Variants in MPPED2 observed in about 807,000 individuals in gnomAD.
MPPED2 encodes the protein metallophosphoesterase MPPED2.
In MPPED2, 5 loss-of-function variants were observed where a neutral mutation model predicts 33.0. That is an observed-to-expected ratio of 0.15 (90% CI 0.08 to 0.32). The LOEUF is 0.32. Among genes scored for constraint, MPPED2 ranks in the 10% least tolerant of loss-of-function variants. The probability of loss-of-function intolerance (pLI) is 1.00; values close to 1 mark genes in which losing one functional copy is unlikely to be tolerated. For missense variants in MPPED2, 275 were observed against 372.1 expected (o/e 0.74, Z 2.15); for synonymous variants, 136 against 141.9 (o/e 0.96, Z 0.29).
At chr11:30,583,128 CTTTTTCTTTTT>C (rs1564920094) in intron 1 of MPPED2, among the ~76,000 whole-genome samples, 1 of 92,846 alleles carries the variant, frequency 1.1e-5, no homozygotes, top group Non-Finnish European at 1.9e-5. Flanking sequence ...CTGGAAAAGA[CTTTTTCTTTTT>C]TTTTTTTTTT....
intron 2 of MPPED2, among the ~76,000 whole-genome samples, chr11:30,558,962 C>T (rs1376038381): frequency 2.0e-5 from 3 of 151,946 alleles, no homozygotes; most frequent in Non-Finnish European, 4.4e-5. Flanking sequence ...GTGGGATAAG[C>T]ATGGTTAATT....
intron 1 of MPPED2, among the ~76,000 whole-genome samples, chr11:30,581,794 T>TTAGC (rs1957181887): frequency 6.6e-6 from 1 of 152,196 alleles, no homozygotes; most frequent in South Asian, 2.1e-4. Flanking sequence ...CTTCTTCATA[T>TTAGC]TAGCAAAGCA....
intron 6 of MPPED2, among the ~76,000 whole-genome samples, chr11:30,412,284 C>A (rs371105406): frequency 1.3e-5 from 2 of 149,092 alleles, no homozygotes; most frequent in East Asian, 3.9e-4. Flanking sequence ...CAATATAAAC[C>A]TTTTGTGATT....
chr11:30,459,495 G>A (rs546634523), intron 4 of MPPED2, among the ~76,000 whole-genome samples: 3 of 152,244 alleles, frequency 2.0e-5, no homozygotes, highest in South Asian at 2.1e-4. Flanking sequence ...AGTCTCTTGA[G>A]GTTTTTCTGC....
At chr11:30,510,969 C>T (rs938444142) in intron 3 of MPPED2, among the ~76,000 whole-genome samples, 11 of 152,172 alleles carry the variant, frequency 7.2e-5, no homozygotes, top group African/African-American at 2.4e-4. Context: ...ACTTTCAACC[C>T]CACATTCTCA....
chr11:30,490,546 C>G (rs928491014), intron 4 of MPPED2, among the ~76,000 whole-genome samples: 3 of 152,084 alleles, frequency 2.0e-5, no homozygotes, highest in Admixed American at 6.5e-5. Context: ...AGCCCCTTTC[C>G]TTCCAGACCT....
chr11:30,500,392 G>A (rs1333466393), intron 3 of MPPED2, among the ~76,000 whole-genome samples: 1 of 152,010 alleles, frequency 6.6e-6, no homozygotes, highest in Non-Finnish European at 1.5e-5. Context: ...TACTTCTATG[G>A]GCAGTATGTA....
chr11:30,410,793 T>A lies in MPPED2; in HGVS notation c.*675A>T. Reference sequence around the variant, plus strand: ...AAATACCTGCTCTTGACAGATTCCATTTCTGTATTTTTAAAGCTGAAATAA... The same window carrying A: ...AAATACCTGCTCTTGACAGATTCCAATTCTGTATTTTTAAAGCTGAAATAA... On this transcript the variant is annotated 3_prime_UTR_variant, in exon 7 of 7. Coordinates refer to ENST00000358117, the MANE Select transcript of MPPED2 (RefSeq NM_001584.3). 24 of 985,492 alleles carry A rather than the reference T, an allele frequency of 2.4e-5. No homozygotes were observed. Among genetic ancestry groups the A allele is most frequent in the Non-Finnish European group, 2.9e-5 (24 of 829,616 alleles). The allele number at this position is 985,492 out of a possible 1,614,324, so 61.0% of individuals were successfully genotyped here.
chr11:30,427,248 G>A (rs1679753253), intron 4 of MPPED2, among the ~76,000 whole-genome samples: 1 of 152,220 alleles, frequency 6.6e-6, no homozygotes, highest in Non-Finnish European at 1.5e-5. Flanking sequence ...TAATAAACAA[G>A]TAGGAACTGA....
intron 3 of MPPED2, among the ~76,000 whole-genome samples, chr11:30,527,409 G>C (rs1187137458): frequency 1.3e-5 from 2 of 150,998 alleles, no homozygotes; most frequent in African/African-American, 4.9e-5. Flanking sequence ...GTAACCTGGT[G>C]AATAAAGCCT....
In MPPED2 at chr11:30,569,374, T is replaced by C. The variant is rs3781851; in HGVS notation, c.128+10872A>G. On this transcript the variant is annotated intron_variant, in intron 2 of 6. Coordinates refer to ENST00000358117, the MANE Select transcript of MPPED2 (RefSeq NM_001584.3). ...AAGCATTAGACTTTTTGAATTGCAT[T>C]ATGGAAGAATTAAGAATTAATATCC... is the stretch of plus-strand genomic sequence containing the variant. Among the ~76,000 whole-genome samples, 52 of 152,348 alleles carry C rather than the reference T, an allele frequency of 3.4e-4. No homozygotes were observed. In the East Asian group the frequency reaches 9.8e-3, roughly 29 times the overall value.
At chr11:30,558,663 A>G (rs2134695231) in intron 2 of MPPED2, among the ~76,000 whole-genome samples, 1 of 151,862 alleles carries the variant, frequency 6.6e-6, no homozygotes, top group Non-Finnish European at 1.5e-5. Context: ...CTCAAGTAAT[A>G]ACCCTGCGTT....
At chr11:30,511,581 G>A (rs1433304330) in intron 3 of MPPED2, among the ~76,000 whole-genome samples, 3 of 152,098 alleles carry the variant, frequency 2.0e-5, no homozygotes, top group Admixed American at 2.0e-4. Context: ...ACGGCACAAT[G>A]TAAGAAGGCA....
chr11:30,393,931 C>T (rs1487930105), intron 6 of MPPED2, among the ~76,000 whole-genome samples: 1 of 152,188 alleles, frequency 6.6e-6, no homozygotes, highest in Non-Finnish European at 1.5e-5. Flanking sequence ...CTCCCCTGTG[C>T]TGCTCTTTTG....
intron 6 of MPPED2, chr11:30,388,994 A>T: frequency 6.5e-7 from 1 of 1,532,884 alleles, no homozygotes. Flanking sequence ...GGAGAGAGAG[A>T]GAGAGATGAA....
At position 30,433,978 on chromosome 11, in the gene MPPED2, C is replaced by T. The variant is rs1368472044; in HGVS notation, c.537-16345G>A. Among the ~76,000 whole-genome samples the T allele has an allele frequency of 5.3e-5, 8 of 152,088 alleles. No individual in the cohort carries two copies. The South Asian group carries it at 1.7e-3, about 32-fold the overall frequency. On this transcript the variant is annotated intron_variant, in intron 4 of 6. Transcript: ENST00000358117. ...TGCCTTTTACAGCTTCTAGAGGCTT[C>T]CCACATTCCTTGGCTCCTGGCCCTA...
rs80240779 is a variant in MPPED2 at position 30,559,324 on chromosome 11, A to G, written c.128+20922T>C. ...ACAAAGGTCTTTACAACTTTTATTA[A>G]TAAAAATGTATTGTAAATTGCAATC... is the stretch of plus-strand genomic sequence containing the variant. On this transcript the variant is annotated intron_variant, in intron 2 of 6. Coordinates refer to ENST00000358117, the MANE Select transcript of MPPED2 (RefSeq NM_001584.3). Among the ~76,000 whole-genome samples, 619 of 152,324 alleles carry G rather than the reference A, an allele frequency of 4.1e-3. 2 individuals carry two copies. Among genetic ancestry groups the G allele is most frequent in the Non-Finnish European group, 7.6e-3 (516 of 68,022 alleles).
At chr11:30,483,402 C>T (rs1308178517) in intron 4 of MPPED2, among the ~76,000 whole-genome samples, 6 of 152,072 alleles carry the variant, frequency 3.9e-5, no homozygotes, top group African/African-American at 1.4e-4. Flanking sequence ...TATATATATA[C>T]AAATGCAAAA....
At chr11:30,566,945 A>T (rs577982158) in intron 2 of MPPED2, among the ~76,000 whole-genome samples, 1 of 152,306 alleles carries the variant, frequency 6.6e-6, no homozygotes, top group South Asian at 2.1e-4. Flanking sequence ...AAAGCTAGAG[A>T]GAGAAAATAG....
Sources: gnomAD v4.1 joint callset for allele counts (sites outside exome capture counted in the v4.1 genomes callset) on GRCh38, gnomAD v4.1.1 for gene constraint, MANE v1.5 for transcripts, NCBI Gene and HGNC (gene_info 2026-07-23, HGNC 2026-07-21) for gene names.